Variants in EPB41L2 observed in about 807,000 individuals in gnomAD.
The protein encoded by EPB41L2 is erythrocyte membrane protein band 4.1 like 2, also known as band 4.1-like protein 2.
EPB41L2 carries 43 observed loss-of-function variants against 113.0 expected under a neutral mutation model. That is an observed-to-expected ratio of 0.38 (90% CI 0.30 to 0.49). The LOEUF (loss-of-function observed/expected upper bound fraction) is 0.49, where lower values mean the gene tolerates loss of function less well. Among genes scored for constraint, EPB41L2 ranks in the 20% least tolerant of loss-of-function variants. The pLI is 0.95. For missense variants in EPB41L2, 1,147 were observed against 1,223.4 expected, an observed-to-expected ratio of 0.94 and a Z score of 0.93; for synonymous variants, 442 against 436.7, an observed-to-expected ratio of 1.01 and a Z score of -0.15.
intron 1 of EPB41L2, among the ~76,000 whole-genome samples, chr6:130,970,764 C>G (rs910906328): frequency 2.6e-5 from 4 of 152,304 alleles, no homozygotes; most frequent in Admixed American, 2.6e-4. Context: ...CCCTTATCCT[C>G]GGGGAAAGAA....
At chr6:130,876,360 C>T (rs775163823) in intron 14 of EPB41L2, among the ~76,000 whole-genome samples, 1 of 152,222 alleles carries the variant, frequency 6.6e-6, no homozygotes, top group Non-Finnish European at 1.5e-5. Flanking sequence ...ATTGTACAAA[C>T]AGTGCACTTT....
At chr6:130,904,964 G>A (rs1054930597) in intron 5 of EPB41L2, among the ~76,000 whole-genome samples, 7 of 151,160 alleles carry the variant, frequency 4.6e-5, no homozygotes, top group Non-Finnish European at 1.0e-4. Context: ...TTGTGGGGAA[G>A]GAGAGTAATG....
chr6:130,884,635 T>C (rs1790356967), intron 12 of EPB41L2, among the ~76,000 whole-genome samples: 3 of 152,230 alleles, frequency 2.0e-5, no homozygotes, highest in Admixed American at 1.3e-4. Context: ...CACTCTCTAT[T>C]CACAAAACAA....
At chr6:130,985,729 G>C (rs1263445805) in intron 1 of EPB41L2, among the ~76,000 whole-genome samples, 2 of 152,192 alleles carry the variant, frequency 1.3e-5, no homozygotes, top group Non-Finnish European at 2.9e-5. Flanking sequence ...ATGACAGCTA[G>C]AAAGAGTGCT....
At chr6:130,934,153 A>G (rs895988743) in intron 3 of EPB41L2, among the ~76,000 whole-genome samples, 1 of 152,176 alleles carries the variant, frequency 6.6e-6, no homozygotes, top group African/African-American at 2.4e-5. Context: ...GAGTGTCTCA[A>G]ATCCAAGGCT....
At chr6:130,974,506 TTCA>T (rs1472913225) in intron 1 of EPB41L2, among the ~76,000 whole-genome samples, 1 of 152,018 alleles carries the variant, frequency 6.6e-6, no homozygotes, top group East Asian at 1.9e-4. Context: ...GTTGGGAGAA[TTCA>T]GAGAGAATGA....
At chr6:130,985,570 A>G (rs914259575) in intron 1 of EPB41L2, among the ~76,000 whole-genome samples, 2 of 152,230 alleles carry the variant, frequency 1.3e-5, no homozygotes, top group Non-Finnish European at 2.9e-5. Context: ...CAGATGGGAC[A>G]TCGCCAGCTG....
chr6:131,009,212 C>T (rs1160896308), intron 1 of EPB41L2, among the ~76,000 whole-genome samples: 1 of 152,126 alleles, frequency 6.6e-6, no homozygotes, highest in Non-Finnish European at 1.5e-5. Context: ...TGAGTTCTCA[C>T]GAGGTCTGAT....
At chr6:130,961,732 T>C (rs1388526140) in intron 1 of EPB41L2, among the ~76,000 whole-genome samples, 2 of 152,184 alleles carry the variant, frequency 1.3e-5, no homozygotes, top group Non-Finnish European at 2.9e-5. Context: ...TGCTGCCAGC[T>C]GAGTAGCTCC....
At chr6:131,024,368 T>G (rs1359207984) in intron 1 of EPB41L2, among the ~76,000 whole-genome samples, 1 of 152,054 alleles carries the variant, frequency 6.6e-6, no homozygotes, top group Non-Finnish European at 1.5e-5. Context: ...AGAGGTGTGT[T>G]CAGTATAAGG....
At chr6:130,892,249 G>T (rs544672555) in intron 10 of EPB41L2, among the ~76,000 whole-genome samples, 2 of 152,154 alleles carry the variant, frequency 1.3e-5, no homozygotes, top group East Asian at 3.9e-4. Context: ...TCAGATGCCT[G>T]GCTGCTGTGC....
intron 3 of EPB41L2, among the ~76,000 whole-genome samples, chr6:130,932,452 C>G (rs963014633): frequency 6.6e-6 from 1 of 152,158 alleles, no homozygotes; most frequent in African/African-American, 2.4e-5. Context: ...CACGTAGTTG[C>G]TTCATTAGTT....
chr6:130,954,568 A>C (rs999306509), intron 3 of EPB41L2, among the ~76,000 whole-genome samples: 1 of 152,240 alleles, frequency 6.6e-6, no homozygotes, highest in Non-Finnish European at 1.5e-5. Flanking sequence ...ATTTGTGGAA[A>C]GCAACAAACT....
intron 4 of EPB41L2, among the ~76,000 whole-genome samples, chr6:130,916,165 A>AT (rs112805715): frequency 0.024 from 3,641 of 151,826 alleles, 136 homozygotes; most frequent in African/African-American, 0.083. Flanking sequence ...AAGAGGTGGG[A>AT]TTTTTTTTTC....
intron 3 of EPB41L2, among the ~76,000 whole-genome samples, chr6:130,946,407 T>C (rs1264232794): frequency 6.6e-6 from 1 of 152,150 alleles, no homozygotes; most frequent in East Asian, 1.9e-4. Context: ...ATCCAGAAAA[T>C]TCTGTGTGGC....
intron 1 of EPB41L2, among the ~76,000 whole-genome samples, chr6:131,012,420 A>G (rs1321440153): frequency 1.4e-5 from 2 of 146,758 alleles, no homozygotes; most frequent in Non-Finnish European, 3.0e-5. Flanking sequence ...CATACTAGAT[A>G]CCACTAGCAC....
In EPB41L2 at chr6:130,858,117, G is replaced by A. The variant is rs769215325; in HGVS notation, c.*5+14C>T. ...AGTCACTAGAAAGGCCACAGACAAT[G>A]AGGGCTCTCTTACCTTACTTAATCT... On this transcript the variant is annotated intron_variant, in intron 19 of 19. Coordinates refer to ENST00000337057, the MANE Select transcript of EPB41L2 (RefSeq NM_001431.4). 1.9e-6 allele frequency: 3 copies of A among 1,594,948 alleles called. No individual in the cohort carries two copies. The highest frequency in any genetic ancestry group is 1.3e-5 in the African/African-American group (1 of 74,534).
At chr6:130,977,133 AG>A (rs1240237932) in intron 1 of EPB41L2, among the ~76,000 whole-genome samples, 1 of 152,212 alleles carries the variant, frequency 6.6e-6, no homozygotes, top group Non-Finnish European at 1.5e-5. Context: ...ACCTTGCCTT[AG>A]GGATGAAAGA....
At chr6:131,017,324 T>C (rs1323872703) in intron 1 of EPB41L2, among the ~76,000 whole-genome samples, 1 of 152,186 alleles carries the variant, frequency 6.6e-6, no homozygotes, top group Non-Finnish European at 1.5e-5. Flanking sequence ...ATTGGCTGGA[T>C]TTTAAAAATC....
Sources: gnomAD v4.1 joint callset for allele counts (sites outside exome capture counted in the v4.1 genomes callset) on GRCh38, gnomAD v4.1.1 for gene constraint, MANE v1.5 for transcripts, NCBI Gene and HGNC (gene_info 2026-07-23, HGNC 2026-07-21) for gene names.